Variants in SEL1L3 observed in about 807,000 individuals in gnomAD.
The protein encoded by SEL1L3 is SEL1L family member 3.
SEL1L3 carries 76 observed loss-of-function variants against 142.8 expected under a neutral mutation model. That is an observed-to-expected ratio of 0.53 (90% CI 0.44 to 0.64). The LOEUF is 0.64. Among genes scored for constraint, SEL1L3 ranks in the 30% least tolerant of loss-of-function variants. SEL1L3 has a pLI of 0.00. For missense variants in SEL1L3, 1,262 were observed against 1,381.7 expected, an observed-to-expected ratio of 0.91 and a Z score of 1.37; for synonymous variants, 504 against 519.6, an observed-to-expected ratio of 0.97 and a Z score of 0.41.
intron 1 of SEL1L3, among the ~76,000 whole-genome samples, chr4:25,850,993 G>A (rs1438067513): frequency 1.3e-5 from 2 of 152,084 alleles, no homozygotes; most frequent in African/African-American, 4.8e-5. Flanking sequence ...TGGGATTACA[G>A]GCACCTGCCA....
chr4:25,825,350 C>T (rs977358362), intron 6 of SEL1L3, among the ~76,000 whole-genome samples: 1 of 152,184 alleles, frequency 6.6e-6, no homozygotes, highest in Non-Finnish European at 1.5e-5. Flanking sequence ...TGATGGTCAT[C>T]AATTTCACTG....
intron 6 of SEL1L3, 141 bp downstream of exon 6, chr4:25,829,957 A>G: frequency 1.6e-6 from 1 of 615,002 alleles, no homozygotes. Context: ...TACAAAGACT[A>G]GCTACAGGGC....
At position 25,765,370 on chromosome 4, in the gene SEL1L3, A is replaced by G. The variant is rs759951643; in HGVS notation, c.2911T>C (p.Ser971Pro). The change falls in exon 20 of 24, where the codon TCT (serine) becomes CCT (proline). Residue 971 changes from serine to proline, a missense_variant. Physicochemically the swap from Ser to Pro is moderately conservative, Grantham distance 74. Around this residue, in one of 3 missense-constraint regions of SEL1L3, gnomAD observed 435 missense variants for 559.2 expected, o/e 0.78. Coordinates refer to ENST00000399878, the MANE Select transcript of SEL1L3 (RefSeq NM_015187.5). ...HQNQSQDLEL[S>P]VQMYAQAALD... ...GCGGCTTGGGCGTACATCTGCACAG[A>G]CAACTCCAGGTCTTGTGACTGGTTT... 1 of 1,613,910 alleles carries G rather than the reference A, an allele frequency of 6.2e-7. No homozygotes were observed. Among genetic ancestry groups the G allele is most frequent in the East Asian group, 2.2e-5 (1 of 44,858 alleles).
chr4:25,838,936 C>G (rs1380737822), intron 2 of SEL1L3, among the ~76,000 whole-genome samples: 1 of 152,198 alleles, frequency 6.6e-6, no homozygotes, highest in Non-Finnish European at 1.5e-5. Flanking sequence ...TAACAAAACC[C>G]CACTCCAGAT....
chr4:25,764,794 A>C (rs966706715), intron 20 of SEL1L3, among the ~76,000 whole-genome samples: 2 of 152,120 alleles, frequency 1.3e-5, no homozygotes, highest in African/African-American at 4.8e-5. Context: ...CCGCACCCCC[A>C]CAGGATTATG....
At chr4:25,746,828 C>A (rs190316353), downstream of SEL1L3, among the ~76,000 whole-genome samples, 15 of 151,896 alleles carry the variant, frequency 9.9e-5, no homozygotes, top group African/African-American at 2.4e-5. Flanking sequence ...TATAAATTAC[C>A]CTGTCTCAAG....
intron 1 of SEL1L3, among the ~76,000 whole-genome samples, chr4:25,849,832 C>A (rs1716767010): frequency 6.6e-6 from 1 of 152,108 alleles, no homozygotes; most frequent in Admixed American, 6.5e-5. Flanking sequence ...ATCAAGGAAT[C>A]GTGTCTATAA....
intron 23 of SEL1L3, among the ~76,000 whole-genome samples, chr4:25,750,460 G>C (rs949313977): frequency 6.6e-6 from 1 of 152,176 alleles, no homozygotes; most frequent in Non-Finnish European, 1.5e-5. Flanking sequence ...GTGGGACTAT[G>C]TTGGATTCAC....
At chr4:25,813,466 T>C (rs1167824897) in intron 9 of SEL1L3, among the ~76,000 whole-genome samples, 3 of 152,288 alleles carry the variant, frequency 2.0e-5, no homozygotes, top group South Asian at 2.1e-4. Context: ...AGACAAATAC[T>C]GTGTAAAATA....
intron 1 of SEL1L3, among the ~76,000 whole-genome samples, chr4:25,849,988 A>T (rs1345034197): frequency 6.6e-6 from 1 of 152,174 alleles, no homozygotes; most frequent in Non-Finnish European, 1.5e-5. Context: ...TTGGGCTTTG[A>T]GGGACGAAAA....
At chr4:25,836,433 G>A (rs1715822229) in intron 2 of SEL1L3, among the ~76,000 whole-genome samples, 1 of 152,068 alleles carries the variant, frequency 6.6e-6, no homozygotes, top group African/African-American at 2.4e-5. Flanking sequence ...GATCACTTGA[G>A]GTCAGGAGAT....
intron 14 of SEL1L3, among the ~76,000 whole-genome samples, 178 bp downstream of exon 14, chr4:25,784,050 A>G (rs984229726): frequency 1.3e-5 from 2 of 152,218 alleles, no homozygotes; most frequent in Non-Finnish European, 2.9e-5. Context: ...TATGTATTGT[A>G]ACTAAAAAGT....
the SEL1L3 span, among the ~76,000 whole-genome samples, chr4:25,737,151 A>G: frequency 6.6e-6 from 1 of 151,858 alleles, no homozygotes; most frequent in Non-Finnish European, 1.5e-5. Context: ...CGCTCAGCTA[A>G]TATTTGTATT....
chr4:25,797,023 A>G (rs1192284164), intron 11 of SEL1L3, among the ~76,000 whole-genome samples: 1 of 151,232 alleles, frequency 6.6e-6, no homozygotes, highest in Admixed American at 6.6e-5. Flanking sequence ...AGAGGAAAAG[A>G]CAGGGGGAAT....
intron 11 of SEL1L3, among the ~76,000 whole-genome samples, chr4:25,793,387 G>T (rs1255329862): frequency 6.6e-6 from 1 of 152,124 alleles, no homozygotes; most frequent in East Asian, 1.9e-4. Flanking sequence ...GAGCTCAAGT[G>T]ATCCTCCCAC....
intron 2 of SEL1L3, among the ~76,000 whole-genome samples, chr4:25,836,270 C>T (rs944161639): frequency 5.9e-5 from 9 of 152,186 alleles, no homozygotes; most frequent in Non-Finnish European, 8.8e-5. Context: ...ACACTTTCAA[C>T]AAGCCTAAGT....
At chr4:25,765,571 T>G in intron 19 of SEL1L3, 136 bp from the exon 20 acceptor site, 1 of 623,282 alleles carries the variant, frequency 1.6e-6, no homozygotes, top group East Asian at 2.8e-5. Context: ...GTTTCCCTGA[T>G]GTGTCAAGAG....
At chr4:25,853,074 G>A (rs1717011063) in intron 1 of SEL1L3, among the ~76,000 whole-genome samples, 1 of 152,160 alleles carries the variant, frequency 6.6e-6, no homozygotes, top group Non-Finnish European at 1.5e-5. Flanking sequence ...ATAACATTGT[G>A]GATAATGGAC....
intron 2 of SEL1L3, 54 bp downstream of exon 2, chr4:25,847,240 T>A: frequency 6.9e-7 from 1 of 1,446,064 alleles, no homozygotes; most frequent in Non-Finnish European, 9.5e-7. Context: ...TCGATCATGA[T>A]ACAGGCTATC....
Sources: allele counts gnomAD v4.1 joint callset (sites outside exome capture counted in the v4.1 genomes callset), GRCh38; gene constraint gnomAD v4.1.1; regional missense constraint gnomAD v4.1.1; transcripts MANE v1.5; gene names NCBI Gene and HGNC (gene_info 2026-07-23, HGNC 2026-07-21).